MIR2052HG: variants seen among roughly 807,000 people sequenced by gnomAD.
The protein encoded by MIR2052HG is MIR2052 host gene.
chr8:74,712,775 C>T (rs1809483122), intron 4 of MIR2052HG, among the ~76,000 whole-genome samples: 1 of 150,970 alleles, frequency 6.6e-6, no homozygotes, highest in Non-Finnish European at 1.5e-5. Flanking sequence ...GTGGATAGCA[C>T]TATTGATTGA....
intron 2 of MIR2052HG, among the ~76,000 whole-genome samples, chr8:74,653,357 G>A (rs1481045214): frequency 6.6e-6 from 1 of 152,188 alleles, no homozygotes; most frequent in Non-Finnish European, 1.5e-5. Flanking sequence ...TGAATCTGTA[G>A]ATGTGCTCAT....
intron 2 of MIR2052HG, among the ~76,000 whole-genome samples, chr8:74,614,721 T>C (rs894147064): frequency 5.3e-5 from 8 of 152,138 alleles, no homozygotes; most frequent in Admixed American, 3.3e-4. Flanking sequence ...AAAAAATATA[T>C]GCTACTTCTT....
intron 4 of MIR2052HG, among the ~76,000 whole-genome samples, chr8:74,706,560 C>T (rs978346442): frequency 6.6e-6 from 1 of 151,992 alleles, no homozygotes; most frequent in Non-Finnish European, 1.5e-5. Flanking sequence ...GGTTCTTGCA[C>T]GAACCAGAGC....
chr8:74,651,213 T>G (rs1415247783), intron 2 of MIR2052HG, among the ~76,000 whole-genome samples: 1 of 152,042 alleles, frequency 6.6e-6, no homozygotes, highest in Non-Finnish European at 1.5e-5. Flanking sequence ...TTGTTTTTAA[T>G]GATGATTATT....
intron 2 of MIR2052HG, among the ~76,000 whole-genome samples, chr8:74,698,695 A>G (rs1434471373): frequency 6.6e-6 from 1 of 152,182 alleles, no homozygotes; most frequent in Non-Finnish European, 1.5e-5. Flanking sequence ...AAGGTGGTTT[A>G]ACATATGTTT....
At chr8:74,610,089 T>A (rs1808171071) in intron 1 of MIR2052HG, 2 of 151,850 alleles carry the variant, frequency 1.3e-5, no homozygotes, top group African/African-American at 2.4e-5. Context: ...TCAGCTTACA[T>A]CTGTTCTTTA....
intron 4 of MIR2052HG, among the ~76,000 whole-genome samples, chr8:74,710,667 T>G (rs555196591): frequency 6.6e-6 from 1 of 152,288 alleles, no homozygotes; most frequent in East Asian, 1.9e-4. Context: ...AATGAAGTTT[T>G]ACATAGTGGA....
intron 2 of MIR2052HG, among the ~76,000 whole-genome samples, chr8:74,626,255 C>G (rs1192880838): frequency 6.6e-6 from 1 of 152,118 alleles, no homozygotes; most frequent in African/African-American, 2.4e-5. Flanking sequence ...GGGTGACCTC[C>G]TAGGATCTTC....
intron 1 of MIR2052HG, chr8:74,604,022 T>A: frequency 6.2e-6 from 6 of 971,398 alleles, no homozygotes; most frequent in Non-Finnish European, 1.0e-5. Flanking sequence ...TTGTCAATGA[T>A]CATAGCAAAG....
At chr8:74,649,475 G>T (rs996606860) in intron 2 of MIR2052HG, among the ~76,000 whole-genome samples, 1 of 151,996 alleles carries the variant, frequency 6.6e-6, no homozygotes, top group African/African-American at 2.4e-5. Context: ...AAAACGTGTT[G>T]ATCATGGTCT....
Position 74,645,288 on chromosome 8 carries a change from C to CT in MIR2052HG, n.216+32362dup, listed in dbSNP as rs1184162899. The stretch of plus-strand genomic sequence containing the variant: ...TCATAGAAGATTAAATCTTTTCTTT[C>CT]TTTTTTTTTTTTTTGAGACGGAGTT... On this transcript the variant is annotated intron_variant and non_coding_transcript_variant, in intron 2 of 6. Transcript: ENST00000523442. Among the ~76,000 whole-genome samples, 238 of 144,130 alleles carry CT rather than the reference C, an allele frequency of 1.7e-3. 3 individuals carry two copies. The highest frequency in any genetic ancestry group is 0.015 in the Middle Eastern group (4 of 262). The allele number at this position is 144,130 out of a possible 152,430, so 94.6% of individuals were successfully genotyped here.
At chr8:74,749,964 CTCTCTTGCGTAGACCTTCTAAT>C (rs1398980497) in intron 4 of MIR2052HG, among the ~76,000 whole-genome samples, 1 of 152,010 alleles carries the variant, frequency 6.6e-6, no homozygotes, top group Non-Finnish European at 1.5e-5. Context: ...CATATCCTTG[CTCTCTTGCGTAGACCTTCTAAT>C]TAAAATGGAA....
intron 2 of MIR2052HG, among the ~76,000 whole-genome samples, chr8:74,690,099 A>T (rs1393318118): frequency 6.6e-6 from 1 of 152,224 alleles, no homozygotes; most frequent in African/African-American, 2.4e-5. Flanking sequence ...GGACATAAAA[A>T]ATGAAGCCAT....
chr8:74,685,006 C>T (rs749934145), intron 2 of MIR2052HG, among the ~76,000 whole-genome samples: 3 of 152,064 alleles, frequency 2.0e-5, no homozygotes, highest in Non-Finnish European at 4.4e-5. Flanking sequence ...CTTTCAGCAA[C>T]TTGCTTAGAT....
At chr8:74,635,077 TG>T (rs1419454430) in intron 2 of MIR2052HG, among the ~76,000 whole-genome samples, 2 of 151,434 alleles carry the variant, frequency 1.3e-5, no homozygotes, top group African/African-American at 2.4e-5. Context: ...GGGTTGGGGG[TG>T]AATGGAAATG....
chr8:74,753,346 T>C (rs916823569), intron 5 of MIR2052HG, among the ~76,000 whole-genome samples: 2 of 152,202 alleles, frequency 1.3e-5, no homozygotes, highest in African/African-American at 4.8e-5. Context: ...TTTTTATTTT[T>C]ACTATAGCAT....
chr8:74,686,253 C>G (rs148137435), intron 2 of MIR2052HG, among the ~76,000 whole-genome samples: 2 of 152,016 alleles, frequency 1.3e-5, no homozygotes, highest in South Asian at 2.1e-4. Flanking sequence ...TTCATGGTCT[C>G]CCTAGTCTAA....
intron 4 of MIR2052HG, among the ~76,000 whole-genome samples, chr8:74,716,194 G>A (rs151231244): frequency 1.3e-5 from 2 of 152,170 alleles, no homozygotes; most frequent in Non-Finnish European, 2.9e-5. Context: ...GTCTCCTCTC[G>A]CACTTATCTC....
chr8:74,648,800 A>G (rs1389047842), intron 2 of MIR2052HG, among the ~76,000 whole-genome samples: 28 of 151,978 alleles, frequency 1.8e-4, no homozygotes, highest in Non-Finnish European at 3.1e-4. Context: ...ATACTTTTGA[A>G]TCGTCTCTAT....
Sources: allele counts gnomAD v4.1 joint callset (sites outside exome capture counted in the v4.1 genomes callset), GRCh38; gene constraint gnomAD v4.1.1; transcripts MANE v1.5; gene names NCBI Gene and HGNC (gene_info 2026-07-23, HGNC 2026-07-21).